The following HHAT variants were observed in gnomAD, a reference collection of about 807,000 sequenced individuals.
The protein encoded by HHAT is hedgehog acyltransferase.
In HHAT, 47 loss-of-function variants were observed where a neutral mutation model predicts 70.8. That is an observed-to-expected ratio of 0.66 (90% CI 0.53 to 0.85). The LOEUF (loss-of-function observed/expected upper bound fraction) is 0.85, where lower values mean the gene tolerates loss of function less well. Among genes scored for constraint, HHAT ranks in the 40% least tolerant of loss-of-function variants. HHAT has a pLI of 0.00. For synonymous variants in HHAT, 228 were observed against 247.6 expected (o/e 0.92, Z 0.74); for missense variants, 609 against 604.8 (o/e 1.01, Z -0.07).
intron 7 of HHAT, chr1:210,439,455 G>C (rs538707593): frequency 2.6e-5 from 4 of 151,904 alleles, no homozygotes; most frequent in African/African-American, 9.7e-5. Context: ...TGCTGCAGCT[G>C]GCATGTGGAA....
chr1:210,451,026 G>A (rs1278554539), intron 7 of HHAT, among the ~76,000 whole-genome samples: 1 of 148,976 alleles, frequency 6.7e-6, no homozygotes, highest in African/African-American at 2.5e-5. Context: ...GGTGGAGCTT[G>A]CAGTGAGCCG....
chr1:210,659,050 A>G (rs1677077350), intron 11 of HHAT, among the ~76,000 whole-genome samples: 1 of 142,820 alleles, frequency 7.0e-6, no homozygotes, highest in Admixed American at 7.0e-5. Context: ...GAGCAAACAC[A>G]TTCAAAAGCT....
intron 9 of HHAT, among the ~76,000 whole-genome samples, chr1:210,521,875 C>G (rs1047940630): frequency 4.6e-5 from 7 of 151,988 alleles, no homozygotes; most frequent in African/African-American, 1.5e-4. Context: ...GAAGTAAGAC[C>G]CAGATGGTAA....
At chr1:210,547,285 C>T (rs2148674134) in intron 9 of HHAT, among the ~76,000 whole-genome samples, 1 of 152,300 alleles carries the variant, frequency 6.6e-6, no homozygotes, top group East Asian at 1.9e-4. Context: ...GAGATCGTGC[C>T]ATTGCACTCC....
At chr1:210,671,169 A>G (rs534658895) in intron 11 of HHAT, among the ~76,000 whole-genome samples, 4 of 152,280 alleles carry the variant, frequency 2.6e-5, no homozygotes, top group African/African-American at 9.6e-5. Flanking sequence ...TGTGTAAATG[A>G]AACATCCCCA....
intron 9 of HHAT, among the ~76,000 whole-genome samples, chr1:210,539,879 C>T (rs1298897323): frequency 6.6e-6 from 1 of 152,194 alleles, no homozygotes; most frequent in Non-Finnish European, 1.5e-5. Context: ...TCCTTCCACT[C>T]AAGAAAAGTT....
intron 8 of HHAT, among the ~76,000 whole-genome samples, chr1:210,490,187 A>G (rs1159043983): frequency 5.3e-5 from 8 of 152,360 alleles, no homozygotes; most frequent in African/African-American, 1.7e-4. Context: ...CTCCAGGCTC[A>G]TAGGCTGCCA....
At chr1:210,344,818 A>G (rs181678390) in intron 1 of HHAT, among the ~76,000 whole-genome samples, 24 of 152,272 alleles carry the variant, frequency 1.6e-4, no homozygotes, top group Admixed American at 1.4e-3. Flanking sequence ...TTGAGGGTAC[A>G]GTTAATTTAC....
At chr1:210,645,720 G>T (rs1392277406) in intron 11 of HHAT, among the ~76,000 whole-genome samples, 3 of 152,170 alleles carry the variant, frequency 2.0e-5, no homozygotes. Context: ...TCAAGGTTTA[G>T]TCTGGGACTC....
chr1:210,540,655 T>TGAGG (rs1457404002), intron 9 of HHAT, among the ~76,000 whole-genome samples: 2 of 150,742 alleles, frequency 1.3e-5, no homozygotes, highest in Admixed American at 1.3e-4. Flanking sequence ...TTTTAAGACA[T>TGAGG]GAGGTCTTGC....
At chr1:210,601,076 G>A (rs1025425118) in intron 10 of HHAT, among the ~76,000 whole-genome samples, 3 of 151,992 alleles carry the variant, frequency 2.0e-5, no homozygotes, top group African/African-American at 7.2e-5. Context: ...GGTCATGGCA[G>A]GGATTTGATG....
chr1:210,460,648 A>G (rs1254907110), intron 7 of HHAT, among the ~76,000 whole-genome samples: 1 of 152,130 alleles, frequency 6.6e-6, no homozygotes, highest in East Asian at 1.9e-4. Context: ...CCTGGCAAGG[A>G]GCTGATGTTC....
chr1:210,550,607 A>G (rs2095519914), intron 9 of HHAT, among the ~76,000 whole-genome samples: 1 of 148,886 alleles, frequency 6.7e-6, no homozygotes, highest in Non-Finnish European at 1.5e-5. Context: ...TGGAAAGGAG[A>G]TACTGTTAAC....
At chr1:210,528,826 G>A (rs1032115048) in intron 9 of HHAT, among the ~76,000 whole-genome samples, 4 of 152,132 alleles carry the variant, frequency 2.6e-5, no homozygotes, top group East Asian at 1.9e-4. Context: ...ATACCCTGCC[G>A]TCTGTAGAAA....
intron 11 of HHAT, among the ~76,000 whole-genome samples, chr1:210,655,389 A>G (rs572889888): frequency 3.3e-4 from 51 of 152,256 alleles, no homozygotes; most frequent in African/African-American, 1.2e-3. Flanking sequence ...CCTGTAGACA[A>G]TTGGTTACTG....
At chr1:210,488,425 A>G (rs1466195617) in intron 8 of HHAT, among the ~76,000 whole-genome samples, 1 of 152,184 alleles carries the variant, frequency 6.6e-6, no homozygotes, top group African/African-American at 2.4e-5. Context: ...TTTATTATAC[A>G]CATAATGGGG....
At chr1:210,393,128 G>A (rs2091562496) in intron 4 of HHAT, among the ~76,000 whole-genome samples, 1 of 152,078 alleles carries the variant, frequency 6.6e-6, no homozygotes, top group Non-Finnish European at 1.5e-5. Flanking sequence ...AGTTGTGCAA[G>A]CAGGATGGCA....
At position 210,414,414 on chromosome 1, in the gene HHAT, A is replaced by G. The variant is rs74156155; in HGVS notation, c.685-3740A>G. On this transcript the variant is annotated intron_variant, in intron 6 of 11. Coordinates refer to ENST00000261458, the MANE Select transcript of HHAT (RefSeq NM_018194.6). ...CTTTTGCTAGTGGTTATTAGGTCAA[A>G]ATGAACTTGCTTTGGAGAGCTGGAA... Among the ~76,000 whole-genome samples the G allele has an allele frequency of 4.6e-3, 701 of 152,312 alleles. 5 individuals carry two copies. Among genetic ancestry groups the G allele is most frequent in the African/African-American group, 0.016 (673 of 41,564 alleles).
chr1:210,615,977 C>G (rs1667640438), intron 10 of HHAT, among the ~76,000 whole-genome samples: 1 of 152,176 alleles, frequency 6.6e-6, no homozygotes, highest in Non-Finnish European at 1.5e-5. Flanking sequence ...GTTGGAAATG[C>G]AGAAATCACC....
Sources: gnomAD v4.1 joint callset for allele counts (sites outside exome capture counted in the v4.1 genomes callset) on GRCh38, gnomAD v4.1.1 for gene constraint, MANE v1.5 for transcripts, NCBI Gene and HGNC (gene_info 2026-07-23, HGNC 2026-07-21) for gene names.